The following AGBL4 variants were observed in gnomAD, a reference collection of about 807,000 sequenced individuals.
AGBL4 encodes cytosolic carboxypeptidase 6.
A neutral mutation model predicts 66.4 loss-of-function variants in AGBL4; 58 were observed. The observed-to-expected ratio is 0.87, with a 90% CI of 0.71 to 1.09. The LOEUF (loss-of-function observed/expected upper bound fraction) is 1.09, where lower values mean the gene tolerates loss of function less well. Ranked by LOEUF, AGBL4 falls within the 50% of genes least tolerant of loss-of-function variation. The pLI is 0.00. For synonymous variants in AGBL4, 234 were observed against 222.9 expected, an observed-to-expected ratio of 1.05 and a Z score of -0.44; for missense variants, 579 against 631.0, an observed-to-expected ratio of 0.92 and a Z score of 0.88.
In AGBL4 at chr1:49,683,383, TAGTA is replaced by T. The variant is rs376653936; in HGVS notation, c.282+13926_282+13929del. On this transcript the variant is annotated intron_variant, in intron 3 of 13. Coordinates refer to ENST00000371839, the MANE Select transcript of AGBL4 (RefSeq NM_032785.4). ...TTAAGCACTGCAGAAACCAAGATAATAGTAAGTAATAATAATAGTAGCTAACAGC... is the reference window on the plus strand; with the variant it reads ...TTAAGCACTGCAGAAACCAAGATAATAGTAATAATAATAGTAGCTAACAGC... Among the ~76,000 whole-genome samples the T allele has an allele frequency of 1.8e-3, 275 of 152,300 alleles. 1 individual carries two copies. The highest frequency in any genetic ancestry group is 6.3e-3 in the African/African-American group (260 of 41,580).
chr1:49,534,264 T>C (rs572415425), intron 3 of AGBL4, among the ~76,000 whole-genome samples: 70 of 149,602 alleles, frequency 4.7e-4, no homozygotes, highest in African/African-American at 1.2e-3. Flanking sequence ...AAAATAATGA[T>C]GTTCTTTAAA....
chr1:49,080,164 C>T (rs555959070), intron 4 of AGBL4, among the ~76,000 whole-genome samples: 1 of 152,078 alleles, frequency 6.6e-6, no homozygotes, highest in Non-Finnish European at 1.5e-5. Flanking sequence ...AACAAAAACA[C>T]AACAAAACAA....
In AGBL4 at chr1:49,937,447, C is replaced by G. The variant is rs1174505769; in HGVS notation, c.35-85929G>C. Among the ~76,000 whole-genome samples the G allele has an allele frequency of 2.6e-5, 4 of 152,144 alleles. No individual in the cohort carries two copies. In the South Asian group the frequency reaches 6.2e-4, roughly 24 times the overall value. ...ACAGATCAACGAGACAGAAAGTTAA[C>G]AAGGATACCCAGGAATTGAACTCAG... On this transcript the variant is annotated intron_variant, in intron 1 of 13. Coordinates refer to ENST00000371839, the MANE Select transcript of AGBL4 (RefSeq NM_032785.4).
chr1:49,135,270 G>GA (rs1308629971), intron 4 of AGBL4, among the ~76,000 whole-genome samples: 1 of 151,988 alleles, frequency 6.6e-6, no homozygotes, highest in African/African-American at 2.4e-5. Context: ...ATTGCTATAT[G>GA]AAAAAATTGT....
intron 3 of AGBL4, among the ~76,000 whole-genome samples, chr1:49,554,330 C>T (rs190912694): frequency 6.6e-6 from 1 of 152,238 alleles, no homozygotes; most frequent in Admixed American, 6.5e-5. Context: ...CAATCATCAG[C>T]CAAGAGTCTG....
At chr1:48,574,753 C>G (rs1262629064) in intron 11 of AGBL4, among the ~76,000 whole-genome samples, 3 of 152,090 alleles carry the variant, frequency 2.0e-5, no homozygotes, top group Non-Finnish European at 4.4e-5. Context: ...GCTAAAGGCC[C>G]TTGTCTCAGA....
At chr1:49,524,701 A>C (rs1224682751) in intron 3 of AGBL4, among the ~76,000 whole-genome samples, 1 of 151,900 alleles carries the variant, frequency 6.6e-6, no homozygotes, top group East Asian at 1.9e-4. Flanking sequence ...TGCCCAGGAA[A>C]CTTCAAATTT....
chr1:49,948,219 T>C (rs1347370902), intron 1 of AGBL4, among the ~76,000 whole-genome samples: 5 of 103,546 alleles, frequency 4.8e-5, no homozygotes, highest in Admixed American at 4.3e-4. Flanking sequence ...TATAAATATA[T>C]ATAAATATAT....
At chr1:49,056,757 C>T (rs1475182040) in intron 4 of AGBL4, among the ~76,000 whole-genome samples, 1 of 151,974 alleles carries the variant, frequency 6.6e-6, no homozygotes, top group Admixed American at 6.6e-5. Context: ...TTAAGTAAAG[C>T]AAGAAGCTGT....
At chr1:49,313,446 C>A (rs1644978784) in intron 3 of AGBL4, among the ~76,000 whole-genome samples, 1 of 152,130 alleles carries the variant, frequency 6.6e-6, no homozygotes, top group Non-Finnish European at 1.5e-5. Context: ...TGAGGAATCA[C>A]CATGCTGTCT....
intron 4 of AGBL4, among the ~76,000 whole-genome samples, chr1:49,133,929 A>G (rs1295768057): frequency 2.0e-5 from 3 of 149,932 alleles, no homozygotes; most frequent in African/African-American, 7.4e-5. Flanking sequence ...ATTCTAATAC[A>G]TATATATATA....
At chr1:49,495,760 T>C (rs895952072) in intron 3 of AGBL4, among the ~76,000 whole-genome samples, 1 of 151,996 alleles carries the variant, frequency 6.6e-6, no homozygotes, top group African/African-American at 2.4e-5. Flanking sequence ...TAGTACTTCA[T>C]AAATAAAGAA....
intron 6 of AGBL4, among the ~76,000 whole-genome samples, chr1:48,770,252 T>C (rs1479924753): frequency 6.6e-6 from 1 of 152,230 alleles, no homozygotes; most frequent in Non-Finnish European, 1.5e-5. Flanking sequence ...CCTGCTTATG[T>C]ATTTAGCTGT....
intron 6 of AGBL4, among the ~76,000 whole-genome samples, chr1:48,693,359 C>T (rs763886970): frequency 1.3e-5 from 2 of 152,198 alleles, no homozygotes; most frequent in Non-Finnish European, 2.9e-5. Context: ...CATTTCTTGT[C>T]CCAGTTGCTT....
At chr1:49,698,299 T>C (rs542724991) in intron 2 of AGBL4, among the ~76,000 whole-genome samples, 4 of 152,246 alleles carry the variant, frequency 2.6e-5, no homozygotes, top group South Asian at 2.1e-4. Context: ...AACATGAAAA[T>C]TTATTTCTAT....
intron 6 of AGBL4, among the ~76,000 whole-genome samples, chr1:48,712,752 G>C (rs1400617783): frequency 6.6e-6 from 1 of 152,200 alleles, no homozygotes; most frequent in Admixed American, 6.5e-5. Flanking sequence ...CCTGGCTGGA[G>C]CTCAGGGCTC....
chr1:49,298,628 TCCTCCCTC>T (rs377307170), intron 3 of AGBL4, among the ~76,000 whole-genome samples: 7 of 150,848 alleles, frequency 4.6e-5, no homozygotes, highest in Non-Finnish European at 1.5e-5. Context: ...GGCCTCTCCT[TCCTCCCTC>T]CCTCCCTCCC....
At chr1:48,652,474 A>C (rs1645946159) in intron 8 of AGBL4, among the ~76,000 whole-genome samples, 1 of 152,116 alleles carries the variant, frequency 6.6e-6, no homozygotes, top group Admixed American at 6.5e-5. Flanking sequence ...CTGTTCTAGG[A>C]GGAGAGGAGG....
chr1:48,735,891 C>T (rs1274709754), intron 6 of AGBL4, among the ~76,000 whole-genome samples: 2 of 152,148 alleles, frequency 1.3e-5, no homozygotes, highest in African/African-American at 2.4e-5. Flanking sequence ...CCTAGTCTGC[C>T]GTATTCTTCA....
Sources: gnomAD v4.1 joint callset for allele counts (sites outside exome capture counted in the v4.1 genomes callset) on GRCh38, gnomAD v4.1.1 for gene constraint, MANE v1.5 for transcripts, NCBI Gene and HGNC (gene_info 2026-07-23, HGNC 2026-07-21) for gene names.